ATMIN: variants seen among roughly 807,000 people sequenced by gnomAD.
ATMIN encodes the protein ATM INteracting protein.
A neutral mutation model predicts 49.2 loss-of-function variants in ATMIN; 24 were observed. That is an observed-to-expected ratio of 0.49 (90% confidence interval 0.35 to 0.69). ATMIN has a LOEUF of 0.69. Ranked by LOEUF, ATMIN falls within the 30% of genes least tolerant of loss-of-function variation. The pLI is 0.00. For synonymous variants in ATMIN, 450 were observed against 392.5 expected (o/e 1.15, Z -1.73); for missense variants, 1,037 against 1,005.5 (o/e 1.03, Z -0.42).
chr16:81,040,246 A>T (rs989443996), intron 1 of ATMIN, among the ~76,000 whole-genome samples: 5 of 151,710 alleles, frequency 3.3e-5, no homozygotes, highest in African/African-American at 1.2e-4. Context: ...TGCCATTGCC[A>T]TTTCTCATCT....
chr16:81,036,667 G>A lies in ATMIN; in HGVS notation c.336+461G>A, dbSNP rs1009188998. Among the ~76,000 whole-genome samples the A allele has an allele frequency of 2.6e-5, 4 of 152,168 alleles. No homozygotes were observed. The East Asian group carries it at 7.7e-4, about 29-fold the overall frequency. On this transcript the variant is annotated intron_variant, in intron 1 of 3. Coordinates refer to ENST00000299575, the MANE Select transcript of ATMIN (RefSeq NM_015251.3). ...TGCTTGCCACGACACCCACAATGCC[G>A]CCCTTGGGTCCTGCCCAGTGGACTG...
In ATMIN at chr16:81,046,160, G is replaced by T. The variant is rs944954919; in HGVS notation, c.*1190G>T. ...GGCCAGAGTTGGGGGCTCTGGAGCT[G>T]TTTCCCCAAGTGCATCCACAAGCTG... On this transcript the variant is annotated 3_prime_UTR_variant, in exon 4 of 4. Coordinates refer to ENST00000299575, the MANE Select transcript of ATMIN (RefSeq NM_015251.3). 1 of 152,020 alleles carries T rather than the reference G, an allele frequency of 6.6e-6. No homozygotes were observed. Among genetic ancestry groups the T allele is most frequent in the Non-Finnish European group, 1.5e-5 (1 of 68,010 alleles). The allele number at this position is 152,020 out of a possible 1,614,324, so 9.4% of individuals were successfully genotyped here.
At chr16:81,036,255 A>C (rs1597121951) in intron 1 of ATMIN, 49 bp downstream of exon 1, 1 of 1,216,624 alleles carries the variant, frequency 8.2e-7, no homozygotes, top group Non-Finnish European at 1.0e-6. Context: ...TGGCTCCAAC[A>C]AAGCGCCCGG....
chr16:81,044,690 T>G lies in ATMIN; in HGVS notation c.2192T>G (p.Val731Gly), dbSNP rs781597807. 1 of 1,614,182 alleles carries G rather than the reference T, an allele frequency of 6.2e-7. No individual in the cohort carries two copies. Among genetic ancestry groups the G allele is most frequent in the South Asian group, 1.1e-5 (1 of 91,084 alleles). Residue 731 changes from valine (V) to glycine (G), a missense_variant, in exon 4 of 4, where the codon GTG (valine) becomes GGG (glycine). Physicochemically the swap from Val to Gly is moderately radical, Grantham distance 109. Transcript: ENST00000299575. The stretch of plus-strand genomic sequence containing the variant: ...ATTCTGAAACACTCCAGCTTTTCCG[T>G]GAGTACTGATTCATCTGACACAGAG... ...GSILKHSSFS[V>G]STDSSDTETQ... is the part of the protein sequence containing the mutation.
rs1239440556 is a variant in ATMIN at position 81,044,580 on chromosome 16, C to G, written c.2082C>G (p.Phe694Leu). The G allele has an allele frequency of 6.2e-7, 1 of 1,614,102 alleles. No individual in the cohort carries two copies. Among genetic ancestry groups the G allele is most frequent in the Admixed American group, 1.7e-5 (1 of 60,004 alleles). ...ATGGGTGTAGGGGAAATTCTAACTT[C>G]TTAGGCCTTGAGATGTTTGACACAC... Reference protein sequence around the residue: ...QSYGCRGNSNFLGLEMFDTQT... With the variant: ...QSYGCRGNSNLLGLEMFDTQT... Residue 694 changes from phenylalanine to leucine, a missense_variant, in exon 4 of 4, where the codon TTC (phenylalanine) becomes TTG (leucine). Phe to Leu is a conservative substitution (Grantham distance 22). Coordinates refer to ENST00000299575, the MANE Select transcript of ATMIN (RefSeq NM_015251.3).
At chr16:81,037,374 G>A (rs11150338) in intron 1 of ATMIN, 5 of 985,430 alleles carry the variant, frequency 5.1e-6, no homozygotes, top group Non-Finnish European at 6.0e-6. Flanking sequence ...TAGGACAGAT[G>A]TGTCGCCAAT....
rs146546000 is a variant in ATMIN, at chr16:81,046,738, T to C, written c.*1768T>C. The stretch of plus-strand genomic sequence containing the variant: ...CATGCCTGTATTACTGAAAGCTAAA[T>C]CCTCAAAACCTAGTAAGGGGACTAA... On this transcript the variant is annotated 3_prime_UTR_variant, in exon 4 of 4. Coordinates refer to ENST00000299575, the MANE Select transcript of ATMIN (RefSeq NM_015251.3). 6.6e-6 allele frequency: 1 copy of C among 152,396 alleles called. No individual in the cohort carries two copies. Among genetic ancestry groups the C allele is most frequent in the East Asian group, 1.9e-4 (1 of 5,172 alleles). 9.4% of individuals were successfully genotyped at this position (152,396 alleles called of 1,614,324 possible). A position where few individuals can be genotyped will look rare whatever the true frequency, so the allele number is the denominator to read the frequency against.
At position 81,043,979 on chromosome 16, in the gene ATMIN, A is replaced by T. The variant is rs1478835464; in HGVS notation, c.1481A>T (p.Gln494Leu). The T allele has an allele frequency of 6.2e-7, 1 of 1,614,212 alleles. No individual in the cohort carries two copies. The highest frequency in any genetic ancestry group is 1.7e-5 in the Admixed American group (1 of 60,026). ...TCAGGTGGGGTCTCCAGAGAAACTC[A>T]AACCAGTGGGATAGAAAGTCCAACG... is the stretch of plus-strand genomic sequence containing the variant. ...FQSGGVSRET[Q>L]TSGIESPTDD... The change falls in exon 4 of 4, where the codon CAA becomes CTA. Residue 494 changes from glutamine (Q) to leucine (L), a missense_variant. Transcript: ENST00000299575.
rs1971051608 is a variant in ATMIN at position 81,042,467 on chromosome 16, C to A, written c.649C>A (p.Pro217Thr). 6.2e-7 allele frequency: 1 copy of A among 1,613,982 alleles called. No homozygotes were observed. The highest frequency in any genetic ancestry group is 8.5e-7 in the Non-Finnish European group (1 of 1,180,006). ...SHIYRTGHEI[P>T]AEHRDPPSKK... Reference sequence around the variant, plus strand: ...CATCTACCGAACTGGGCACGAGATACCTGCAGAACACAGGTGAAGGGAAAG... The same window carrying A: ...CATCTACCGAACTGGGCACGAGATAACTGCAGAACACAGGTGAAGGGAAAG... The change falls in exon 3 of 4, where the codon CCT becomes ACT. Residue 217 changes from proline to threonine, a missense_variant. Pro to Thr is a conservative substitution (Grantham distance 38). Coordinates refer to ENST00000299575, the MANE Select transcript of ATMIN (RefSeq NM_015251.3).
intron 1 of ATMIN, chr16:81,041,086 C>CA: frequency 2.9e-6 from 1 of 347,714 alleles, no homozygotes; most frequent in Non-Finnish European, 5.4e-6. Context: ...TAGGAACATA[C>CA]AAGGGGGGCA....
chr16:81,046,913 T>C lies in ATMIN; in HGVS notation c.*1943T>C, dbSNP rs185089000. 2.6e-5 allele frequency: 4 copies of C among 152,784 alleles called. No individual in the cohort carries two copies. The highest frequency in any genetic ancestry group is 1.9e-4 in the East Asian group (1 of 5,192). The allele number at this position is 152,784 out of a possible 1,614,324, so 9.5% of individuals were successfully genotyped here. A position where few individuals can be genotyped will look rare whatever the true frequency, so the allele number is the denominator to read the frequency against. ...AGTTTGGTTTGGTCACAGTTGCCTA[T>C]GAGTGTGGGTTTCAAAAGAAACATA... On this transcript the variant is annotated 3_prime_UTR_variant, in exon 4 of 4. Coordinates refer to ENST00000299575, the MANE Select transcript of ATMIN (RefSeq NM_015251.3).
In ATMIN at chr16:81,044,942, C is replaced by T. The variant is rs146769334; in HGVS notation, c.2444C>T (p.Ala815Val). Reference sequence around the variant, plus strand: ...AGCTCTGTAGAAACCCAGACTTCTGCGGAACCACACACAGTCTCCAACTTC... The same window carrying T: ...AGCTCTGTAGAAACCCAGACTTCTGTGGAACCACACACAGTCTCCAACTTC... The part of the protein sequence containing the change: ...QFSSVETQTS[A>V]EPHTVSNF The change falls in exon 4 of 4, where the codon GCG (alanine) becomes GTG (valine). Residue 815 changes from alanine (A) to valine (V), a missense_variant. Physicochemically the swap from Ala to Val is moderately conservative, Grantham distance 64. Transcript: ENST00000299575. 6.6e-5 allele frequency: 106 copies of T among 1,613,692 alleles called. 2 individuals are homozygous for T. In the African/African-American group the frequency reaches 1.1e-3, roughly 16 times the overall value.
intron 1 of ATMIN, among the ~76,000 whole-genome samples, chr16:81,038,921 G>A (rs1398745986): frequency 2.6e-5 from 4 of 152,110 alleles, no homozygotes; most frequent in East Asian, 1.9e-4. Context: ...TCAGCCTCCC[G>A]AGTAGTTGGG....
At position 81,045,847 on chromosome 16, in the gene ATMIN, G is replaced by C. The variant is rs1397291589; in HGVS notation, c.*877G>C. Reference sequence around the variant, plus strand: ...TTTTTTTTTTAATTAGCCAGGCACAGTGGCATGCGCCTGTGATCCCAGCTA... The same window carrying C: ...TTTTTTTTTTAATTAGCCAGGCACACTGGCATGCGCCTGTGATCCCAGCTA... On this transcript the variant is annotated 3_prime_UTR_variant, in exon 4 of 4. Transcript: ENST00000299575. The C allele has an allele frequency of 6.6e-6, 1 of 151,218 alleles. No individual in the cohort carries two copies. Among genetic ancestry groups the C allele is most frequent in the Non-Finnish European group, 1.5e-5 (1 of 67,924 alleles). 9.4% of individuals were successfully genotyped at this position (151,218 alleles called of 1,614,324 possible). A position where few individuals can be genotyped will look rare whatever the true frequency, so the allele number is the denominator to read the frequency against.
Position 81,041,458 on chromosome 16 carries a change from T to G in ATMIN, c.439T>G (p.Ser147Ala). Residue 147 changes from serine (S) to alanine (A), a missense_variant, in exon 2 of 4, where the codon TCT becomes GCT. Transcript: ENST00000299575. Reference protein sequence around the residue: ...GCPRGPERPFSQFSLVKQHFM... With the variant: ...GCPRGPERPFAQFSLVKQHFM... ...CCCCAGAGGCCCTGAGAGACCGTTT[T>G]CTCAGTTTTCTCTCGTAAAACAGGT... 1 of 1,609,288 alleles carries G rather than the reference T, an allele frequency of 6.2e-7. No individual in the cohort carries two copies. The highest frequency in any genetic ancestry group is 2.2e-5 in the East Asian group (1 of 44,860).
At position 81,044,555 on chromosome 16, in the gene ATMIN, A is replaced by G. The variant is rs1971088321; in HGVS notation, c.2057A>G (p.Tyr686Cys). The change falls in exon 4 of 4, where the codon TAT (tyrosine) becomes TGT (cysteine). Residue 686 changes from tyrosine (Y) to cysteine (C), a missense_variant. Coordinates refer to ENST00000299575, the MANE Select transcript of ATMIN (RefSeq NM_015251.3). Reference sequence around the variant, plus strand: ...CTCGCAGATACCTCTGCTCAGTCCTATGGGTGTAGGGGAAATTCTAACTTC... The same window carrying G: ...CTCGCAGATACCTCTGCTCAGTCCTGTGGGTGTAGGGGAAATTCTAACTTC... The part of the protein sequence containing the change: ...FLLADTSAQS[Y>C]GCRGNSNFLG... 8 of 1,613,910 alleles carry G rather than the reference A, an allele frequency of 5.0e-6. No individual in the cohort carries two copies. Among genetic ancestry groups the G allele is most frequent in the South Asian group, 1.1e-5 (1 of 91,074 alleles).
In ATMIN at chr16:81,044,327, G is replaced by A. The variant is rs760212160; in HGVS notation, c.1829G>A (p.Arg610His). ...CTGCCTGCTCAGACATTGGATCATCGTAGTCTTTTGTCTGACACAAATCCT... is the reference window on the plus strand; with the variant it reads ...CTGCCTGCTCAGACATTGGATCATCATAGTCTTTTGTCTGACACAAATCCT... ...SNLPAQTLDH[R>H]SLLSDTNPGP... The change falls in exon 4 of 4, where the codon CGT (arginine) becomes CAT (histidine). Residue 610 changes from arginine to histidine, a missense_variant. Arg to His is a conservative substitution (Grantham distance 29, BLOSUM62 0). Transcript: ENST00000299575. 6.2e-6 allele frequency: 10 copies of A among 1,613,916 alleles called. No homozygotes were observed. Among genetic ancestry groups the A allele is most frequent in the Middle Eastern group, 3.3e-4 (2 of 6,084 alleles).
chr16:81,043,580 C>G lies in ATMIN; in HGVS notation c.1082C>G (p.Ser361Cys). 1 of 1,614,132 alleles carries G rather than the reference C, an allele frequency of 6.2e-7. No individual in the cohort carries two copies. Among genetic ancestry groups the G allele is most frequent in the Non-Finnish European group, 8.5e-7 (1 of 1,180,040 alleles). Residue 361 changes from serine (S) to cysteine (C), a missense_variant, in exon 4 of 4, where the codon TCT (serine) becomes TGT (cysteine). Coordinates refer to ENST00000299575, the MANE Select transcript of ATMIN (RefSeq NM_015251.3). ...CTCGGCCTAGATTCAGAGGCTTGCT[C>G]TCTTAAGGAGAGCCTACCTCTTTTC... is the stretch of plus-strand genomic sequence containing the variant. Reference protein sequence around the residue: ...LILGLDSEACSLKESLPLFKI... With the variant: ...LILGLDSEACCLKESLPLFKI...
Position 81,043,605 on chromosome 16 carries a change from C to G in ATMIN, c.1107C>G (p.Phe369Leu). 6.2e-7 allele frequency: 1 copy of G among 1,614,158 alleles called. No individual in the cohort carries two copies. Among genetic ancestry groups the G allele is most frequent in the Non-Finnish European group, 8.5e-7 (1 of 1,180,046 alleles). ...CTCTTAAGGAGAGCCTACCTCTTTT[C>G]AAAATTGCTAATCCTATTGCTGGTG... ...ACSLKESLPL[F>L]KIANPIAGEP... Residue 369 changes from phenylalanine (F) to leucine (L), a missense_variant, in exon 4 of 4, where the codon TTC (phenylalanine) becomes TTG (leucine). Phe to Leu is a conservative substitution (Grantham distance 22). Transcript: ENST00000299575.
Sources: gnomAD v4.1 joint callset for allele counts (sites outside exome capture counted in the v4.1 genomes callset) on GRCh38, gnomAD v4.1.1 for gene constraint, MANE v1.5 for transcripts, NCBI Gene and HGNC (gene_info 2026-07-23, HGNC 2026-07-21) for gene names.